Variants in SPRY3 observed in about 807,000 individuals in gnomAD.
SPRY3 encodes sprouty RTK signaling antagonist 3.
A neutral mutation model predicts 20.2 loss-of-function variants in SPRY3; 15 were observed. The ratio of observed to expected loss-of-function variants is 0.74; its 90% CI spans 0.50 to 1.14. The LOEUF is 1.14. Among genes scored for constraint, SPRY3 ranks in the 50% most tolerant of loss-of-function variants. SPRY3 has a pLI of 0.00. For missense variants in SPRY3, 364 were observed against 363.9 expected (o/e 1.00, Z 0.00); for synonymous variants, 143 against 136.5 (o/e 1.05, Z -0.33).
chrX:155,703,950 A>T (rs149357620), intron 2 of SPRY3, among the ~76,000 whole-genome samples: 1 of 152,044 alleles, frequency 6.6e-6, no homozygotes, highest in Non-Finnish European at 1.5e-5. Flanking sequence ...TAACCATAGC[A>T]GCAATATATC....
At chrX:155,635,334 C>T (rs1248036108) in intron 1 of SPRY3, among the ~76,000 whole-genome samples, 2 of 110,865 alleles carry the variant, frequency 1.8e-5, no homozygotes, top group African/African-American at 6.6e-5. Context: ...GTGAACAGTG[C>T]CACAATAGAC....
rs1454479342 is a variant in SPRY3, at chrX:155,630,743, T to C, written c.-441+18096T>C. Among the ~76,000 whole-genome samples the C allele has an allele frequency of 2.7e-5, 3 of 111,129 alleles. No individual in the cohort carries two copies. The East Asian group carries it at 8.4e-4, about 31-fold the overall frequency. On this transcript the variant is annotated intron_variant, in intron 1 of 3. Coordinates refer to ENST00000675360, the Ensembl canonical transcript of SPRY3. The stretch of plus-strand genomic sequence containing the variant: ...TGATTGGAGACTTTTCACCTTCCTG[T>C]ACCTGGAGATTTATATCTTTCTCCA...
At chrX:155,688,038 C>A (rs1470743313) in intron 2 of SPRY3, among the ~76,000 whole-genome samples, 2 of 81,475 alleles carry the variant, frequency 2.5e-5, no homozygotes, top group Non-Finnish European at 4.7e-5. Flanking sequence ...TGCTCTCCCT[C>A]CCCCCACCCC....
At chrX:155,679,416 G>T (rs192263848) in intron 2 of SPRY3, among the ~76,000 whole-genome samples, 1 of 103,642 alleles carries the variant, frequency 9.6e-6, no homozygotes, top group Non-Finnish European at 2.0e-5. Flanking sequence ...TTCAAAGATG[G>T]TGCCTCTTGC....
intron 2 of SPRY3, among the ~76,000 whole-genome samples, chrX:155,759,472 G>C (rs1022471718): frequency 2.6e-5 from 4 of 151,872 alleles, no homozygotes; most frequent in African/African-American, 9.7e-5. Context: ...ACTAAATTAT[G>C]AGCCCCTTGA....
chrX:155,711,505 G>C (rs34805104), intron 2 of SPRY3, among the ~76,000 whole-genome samples: 38,741 of 151,066 alleles, frequency 0.26, 5,253 homozygotes, highest in African/African-American at 0.42. Flanking sequence ...CTATGTCTTT[G>C]TGTTTCATCT....
intron 2 of SPRY3, among the ~76,000 whole-genome samples, chrX:155,696,212 A>AACAC (rs201511557): frequency 2.1e-4 from 22 of 103,480 alleles, no homozygotes; most frequent in East Asian, 9.1e-4. Flanking sequence ...ATACACACAC[A>AACAC]ACACACACAC....
chrX:155,711,971 C>T (rs752506138), intron 2 of SPRY3, among the ~76,000 whole-genome samples: 1 of 151,826 alleles, frequency 6.6e-6, no homozygotes, highest in East Asian at 1.9e-4. Context: ...ACTGATCATT[C>T]AGGAGCATAT....
At chrX:155,778,221 T>C (rs1281323548), downstream of SPRY3, 1 of 167,074 alleles carries the variant, frequency 6.0e-6, no homozygotes, top group Non-Finnish European at 1.5e-5. Flanking sequence ...TAAACCATTC[T>C]GGAGTAACAA....
intron 2 of SPRY3, among the ~76,000 whole-genome samples, chrX:155,740,807 G>GTTCATACACCC (rs1460259040): frequency 0.03 from 4,496 of 152,022 alleles, 78 homozygotes; most frequent in Non-Finnish European, 0.042. Context: ...TGTGATCTTT[G>GTTCATACACCC]TGACCTACTC....
intron 2 of SPRY3, among the ~76,000 whole-genome samples, chrX:155,720,783 T>C (rs2091052606): frequency 6.6e-6 from 1 of 152,022 alleles, no homozygotes; most frequent in Non-Finnish European, 1.5e-5. Context: ...CCCCAAGTCT[T>C]ACCAATATCT....
intron 2 of SPRY3, among the ~76,000 whole-genome samples, chrX:155,705,696 A>G (rs1246336892): frequency 2.0e-5 from 3 of 151,366 alleles, no homozygotes; most frequent in Non-Finnish European, 1.5e-5. Flanking sequence ...CACTAGCTGA[A>G]ACAAAACTAG....
chrX:155,774,754 G>C, exon 4 of SPRY3: 1 of 1,596,162 alleles, frequency 6.3e-7, no homozygotes. Flanking sequence ...CAACAAGGTG[G>C]ATCCAGAGCT....
At chrX:155,628,276 A>C (rs2067894496) in intron 1 of SPRY3, among the ~76,000 whole-genome samples, 1 of 111,982 alleles carries the variant, frequency 8.9e-6, no homozygotes, top group African/African-American at 3.2e-5. Context: ...TCCCGCCAAC[A>C]GTGTAAAAGT....
rs771870689 is a variant in SPRY3 at position 155,707,952 on chromosome X, G to A, written c.-282+50927G>A. Among the ~76,000 whole-genome samples, 3 of 151,106 alleles carry A rather than the reference G, an allele frequency of 2.0e-5. No homozygotes were observed. The South Asian group carries it at 6.3e-4, about 31-fold the overall frequency. On this transcript the variant is annotated intron_variant, in intron 2 of 3. Coordinates refer to ENST00000675360, the Ensembl canonical transcript of SPRY3. ...ATGATTAGATTTACATGTGATCTTT[G>A]CTAATATTTTCTACATGTGTCATAT...
rs782298697 is a variant in SPRY3 at position 155,668,280 on chromosome X, C to T, written c.-282+11255C>T. On this transcript the variant is annotated intron_variant, in intron 2 of 3. Transcript: ENST00000675360. ...CAATAATATGAATCAATCTCAAAAACATTACACTGAGTGAAAAAGTAAGAC... is the reference window on the plus strand; with the variant it reads ...CAATAATATGAATCAATCTCAAAAATATTACACTGAGTGAAAAAGTAAGAC... 4.5e-5 allele frequency among the ~76,000 whole-genome samples: 5 copies of T among 111,265 alleles called. No homozygotes were observed. The South Asian group carries it at 1.9e-3, about 41-fold the overall frequency.
intron 2 of SPRY3, among the ~76,000 whole-genome samples, chrX:155,712,124 T>C (rs935515923): frequency 6.6e-6 from 1 of 152,000 alleles, no homozygotes; most frequent in African/African-American, 2.4e-5. Flanking sequence ...TGATCTATCA[T>C]TGTGAATGAT....
chrX:155,751,358 A>G (rs1481321403), intron 2 of SPRY3, among the ~76,000 whole-genome samples: 2 of 151,944 alleles, frequency 1.3e-5, no homozygotes, highest in Non-Finnish European at 2.9e-5. Flanking sequence ...TACTGCTGCC[A>G]GCACTGATGC....
Position 155,691,457 on chromosome X carries a change from T to G in SPRY3, c.-282+34432T>G, listed in dbSNP as rs952046057. Among the ~76,000 whole-genome samples, 2 of 88,155 alleles carry G rather than the reference T, an allele frequency of 2.3e-5. 1 individual carries two copies. Among genetic ancestry groups the G allele is most frequent in the African/African-American group, 1.1e-4 (2 of 18,365 alleles). 76.6% of individuals were successfully genotyped at this position (88,155 alleles called of 115,157 possible). Reference sequence around the variant, plus strand: ...ATTCATTTGATGAATTCGATTTTTCTGAAATAGATGATTCTGATGATTCAG... The same window carrying G: ...ATTCATTTGATGAATTCGATTTTTCGGAAATAGATGATTCTGATGATTCAG... On this transcript the variant is annotated intron_variant, in intron 2 of 3. Transcript: ENST00000675360.
Sources: allele counts gnomAD v4.1 joint callset (sites outside exome capture counted in the v4.1 genomes callset), GRCh38; gene constraint gnomAD v4.1.1; transcripts MANE v1.5; gene names NCBI Gene and HGNC (gene_info 2026-07-23, HGNC 2026-07-21).